SLC44A3: variants seen among roughly 807,000 people sequenced by gnomAD.
The protein encoded by SLC44A3 is solute carrier family 44 member 3.
In SLC44A3, 74 loss-of-function variants were observed where a neutral mutation model predicts 75.4. The ratio of observed to expected loss-of-function variants is 0.98; its 90% CI spans 0.81 to 1.19. SLC44A3 has a LOEUF of 1.19. SLC44A3 is among the 50% of genes most tolerant of loss of function. The pLI, the probability that SLC44A3 is intolerant of heterozygous loss-of-function variation, is 0.00. For missense variants in SLC44A3, 700 were observed against 778.6 expected, an observed-to-expected ratio of 0.90 and a Z score of 1.20; for synonymous variants, 310 against 296.9, an observed-to-expected ratio of 1.04 and a Z score of -0.45.
chr1:94,861,400 C>G (rs1007240624), intron 10 of SLC44A3, among the ~76,000 whole-genome samples: 1 of 152,088 alleles, frequency 6.6e-6, no homozygotes, highest in African/African-American at 2.4e-5. Flanking sequence ...CTAATAACAA[C>G]TAAAATATTA....
At chr1:94,871,931 C>G (rs550369725) in intron 12 of SLC44A3, among the ~76,000 whole-genome samples, 1 of 152,270 alleles carries the variant, frequency 6.6e-6, no homozygotes, top group South Asian at 2.1e-4. Flanking sequence ...CGAGGCAATG[C>G]CTGGTGACCC....
At chr1:94,846,631 G>A (rs545472547) in intron 9 of SLC44A3, among the ~76,000 whole-genome samples, 1 of 152,346 alleles carries the variant, frequency 6.6e-6, no homozygotes, top group South Asian at 2.1e-4. Flanking sequence ...CAGCTTTTCT[G>A]TGGACCACAC....
intron 12 of SLC44A3, among the ~76,000 whole-genome samples, chr1:94,872,495 CA>C (rs906029085): frequency 4.6e-5 from 7 of 152,132 alleles, no homozygotes; most frequent in Admixed American, 3.9e-4. Context: ...TGGGTATAGG[CA>C]ATGAGCTGTG....
rs771542303 is a variant in SLC44A3 at position 94,842,114 on chromosome 1, C to G, written c.875C>G (p.Thr292Arg). 1 of 1,607,440 alleles carries G rather than the reference C, an allele frequency of 6.2e-7. No homozygotes were observed. The highest frequency in any genetic ancestry group is 8.5e-7 in the Non-Finnish European group (1 of 1,177,178). ...KCVLGFAIVS[T>R]GITAVLLVLI... ...GTGCTGGGGTTTGCTATCGTATCCACAGGCATCACGGTAAGAAATGCTCTT... is the reference window on the plus strand; with the variant it reads ...GTGCTGGGGTTTGCTATCGTATCCAGAGGCATCACGGTAAGAAATGCTCTT... The change falls in exon 8 of 15, where the codon ACA (threonine) becomes AGA (arginine). Residue 292 changes from threonine (T) to arginine (R), a missense_variant. Transcript: ENST00000271227.
chr1:94,889,995 C>A, intron 12 of SLC44A3, among the ~76,000 whole-genome samples: 1 of 152,082 alleles, frequency 6.6e-6, no homozygotes, highest in East Asian at 1.9e-4. Context: ...GGATTACAGG[C>A]ATGCACCACC....
chr1:94,885,929 G>A (rs1669536957), intron 12 of SLC44A3, among the ~76,000 whole-genome samples: 1 of 152,210 alleles, frequency 6.6e-6, no homozygotes, highest in Non-Finnish European at 1.5e-5. Flanking sequence ...AAATTAGAAA[G>A]TTGTAGCTAT....
intron 12 of SLC44A3, among the ~76,000 whole-genome samples, chr1:94,883,881 C>T (rs859074): frequency 0.34 from 51,383 of 151,850 alleles, 9,094 homozygotes; most frequent in East Asian, 0.46. Flanking sequence ...AGTTCATTAT[C>T]GTAGCGCATG....
At chr1:94,888,305 G>A (rs896628381) in intron 12 of SLC44A3, among the ~76,000 whole-genome samples, 14 of 152,274 alleles carry the variant, frequency 9.2e-5, no homozygotes, top group Admixed American at 7.2e-4. Context: ...AAAATAAAAC[G>A]GTCTCTGTCT....
At chr1:94,852,602 T>C (rs1665355180) in intron 9 of SLC44A3, among the ~76,000 whole-genome samples, 1 of 152,190 alleles carries the variant, frequency 6.6e-6, no homozygotes, top group Admixed American at 6.5e-5. Flanking sequence ...TGGGAAGAAG[T>C]CTTTACAGGA....
chr1:94,822,850 C>A (rs1031651590), intron 2 of SLC44A3, among the ~76,000 whole-genome samples: 2 of 152,118 alleles, frequency 1.3e-5, no homozygotes, highest in African/African-American at 4.8e-5. Context: ...TCCTATATCA[C>A]CTGTCATATA....
chr1:94,828,715 G>C (rs1035286843), intron 5 of SLC44A3, 129 bp downstream of exon 5: 1 of 698,162 alleles, frequency 1.4e-6, no homozygotes, highest in Non-Finnish European at 2.3e-6. Context: ...GGAGCTTACA[G>C]TCTACGGAGG....
At chr1:94,884,777 T>C (rs1020631619) in intron 12 of SLC44A3, among the ~76,000 whole-genome samples, 1 of 152,176 alleles carries the variant, frequency 6.6e-6, no homozygotes, top group Non-Finnish European at 1.5e-5. Context: ...AAGGCTGAGC[T>C]GTGCTGGCTA....
At chr1:94,876,825 T>A (rs1440627888) in intron 12 of SLC44A3, among the ~76,000 whole-genome samples, 1 of 152,214 alleles carries the variant, frequency 6.6e-6, no homozygotes, top group Non-Finnish European at 1.5e-5. Context: ...ATTTAATTTG[T>A]TATTCTTGAG....
At chr1:94,893,619 A>G (rs536746227) in intron 14 of SLC44A3, among the ~76,000 whole-genome samples, 4 of 152,194 alleles carry the variant, frequency 2.6e-5, no homozygotes, top group Non-Finnish European at 5.9e-5. Flanking sequence ...CAGGTGATCC[A>G]TCTGCCTCGG....
rs1052113751 is a variant in SLC44A3, at chr1:94,837,781, T to A, written c.580T>A (p.Leu194Met). ...PECYSLFASV[L>M]INDVDTLHRI... is the part of the protein sequence containing the mutation. ...GTGCTACTCCCTATTTGCATCTGTT[T>A]TGATAAATGATGTTGACACCCTCCA... Residue 194 changes from leucine (L) to methionine (M), a missense_variant, in exon 6 of 15, where the codon TTG (leucine) becomes ATG (methionine). Leu to Met is a conservative substitution (Grantham distance 15, BLOSUM62 2). Coordinates refer to ENST00000271227, the MANE Select transcript of SLC44A3 (RefSeq NM_001114106.3). The A allele has an allele frequency of 1.4e-5, 23 of 1,612,664 alleles. No homozygotes were observed. Among genetic ancestry groups the A allele is most frequent in the Non-Finnish European group, 1.9e-5 (23 of 1,179,598 alleles).
chr1:94,859,509 T>A (rs767460713), intron 10 of SLC44A3, among the ~76,000 whole-genome samples: 1 of 152,164 alleles, frequency 6.6e-6, no homozygotes. Flanking sequence ...ACAAATAAGA[T>A]GCAGCCTGAA....
At chr1:94,889,740 A>G (rs1331051091) in intron 12 of SLC44A3, among the ~76,000 whole-genome samples, 1 of 152,234 alleles carries the variant, frequency 6.6e-6, no homozygotes, top group African/African-American at 2.4e-5. Flanking sequence ...ATATGCGTTA[A>G]AAATTAAAAT....
chr1:94,858,699 GTTTGTTTA>G (rs768040044), intron 10 of SLC44A3, among the ~76,000 whole-genome samples: 2 of 139,806 alleles, frequency 1.4e-5, no homozygotes, highest in Non-Finnish European at 3.2e-5. Flanking sequence ...TTGTTTGTTT[GTTTGTTTA>G]TTGAGACGGA....
At chr1:94,845,905 T>G (rs1664338354) in intron 9 of SLC44A3, among the ~76,000 whole-genome samples, 1 of 152,126 alleles carries the variant, frequency 6.6e-6, no homozygotes. Flanking sequence ...TCCCAGCACT[T>G]TGGTAGGCCA....
Sources: gnomAD v4.1 joint callset for allele counts (sites outside exome capture counted in the v4.1 genomes callset) on GRCh38, gnomAD v4.1.1 for gene constraint, MANE v1.5 for transcripts, NCBI Gene and HGNC (gene_info 2026-07-23, HGNC 2026-07-21) for gene names.